ZNF267: variants seen among roughly 807,000 people sequenced by gnomAD.
ZNF267 encodes zinc finger (C2H2).
In ZNF267, 61 loss-of-function variants were observed where a neutral mutation model predicts 71.6. The observed-to-expected ratio is 0.85, with a 90% CI of 0.69 to 1.05. The LOEUF (loss-of-function observed/expected upper bound fraction) is 1.05. Among genes scored for constraint, ZNF267 ranks in the 50% least tolerant of loss-of-function variants. The probability of loss-of-function intolerance (pLI) is 0.00; values close to 1 mark genes in which losing one functional copy is unlikely to be tolerated. For missense variants in ZNF267, 852 were observed against 870.0 expected, an observed-to-expected ratio of 0.98 and a Z score of 0.26; for synonymous variants, 288 against 293.2, an observed-to-expected ratio of 0.98 and a Z score of 0.18.
At chr16:31,887,697 A>G (rs2083933503) in intron 3 of ZNF267, among the ~76,000 whole-genome samples, 2 of 152,074 alleles carry the variant, frequency 1.3e-5, no homozygotes, top group Non-Finnish European at 2.9e-5. Flanking sequence ...CTGTATGCAC[A>G]TGGGTTTCTT....
chr16:31,876,121 T>G (rs1249236587), intron 1 of ZNF267, among the ~76,000 whole-genome samples: 1 of 152,240 alleles, frequency 6.6e-6, no homozygotes, highest in Non-Finnish European at 1.5e-5. Context: ...AATTACATAG[T>G]TTCATCAAAA....
At position 31,915,464 on chromosome 16, in the gene ZNF267, G is replaced by A; in HGVS notation, c.1215G>A (p.Glu405=). 1 of 1,613,910 alleles carries A rather than the reference G, an allele frequency of 6.2e-7. No homozygotes were observed. ...LIVHQRIHTG[E]KPYKCKECGK... Reference sequence around the variant, plus strand: ...TGCATCAGAGAATTCACACTGGAGAGAAACCATACAAATGTAAAGAATGTG... The same window carrying A: ...TGCATCAGAGAATTCACACTGGAGAAAAACCATACAAATGTAAAGAATGTG... Residue 405 remains glutamate (E), a synonymous_variant, in exon 4 of 4, where the codon GAG becomes GAA. Coordinates refer to ENST00000300870, the MANE Select transcript of ZNF267 (RefSeq NM_003414.6).
intron 3 of ZNF267, among the ~76,000 whole-genome samples, chr16:31,894,355 T>TCTTC (rs1465305653): frequency 6.6e-6 from 1 of 152,240 alleles, no homozygotes; most frequent in Non-Finnish European, 1.5e-5. Context: ...TTTAGCAAGG[T>TCTTC]CTTCCTTATA....
intron 3 of ZNF267, among the ~76,000 whole-genome samples, chr16:31,889,408 T>A (rs1361075025): frequency 6.6e-6 from 1 of 152,196 alleles, no homozygotes; most frequent in Non-Finnish European, 1.5e-5. Flanking sequence ...TATCATTTTA[T>A]ACTTCTGTCT....
chr16:31,876,820 G>A (rs1204685404), intron 1 of ZNF267, among the ~76,000 whole-genome samples: 1 of 152,162 alleles, frequency 6.6e-6, no homozygotes, highest in East Asian at 1.9e-4. Flanking sequence ...AACTAACCTG[G>A]TCTTGAGCCT....
intron 3 of ZNF267, among the ~76,000 whole-genome samples, chr16:31,886,329 G>C (rs1296246487): frequency 6.6e-6 from 1 of 152,176 alleles, no homozygotes; most frequent in Admixed American, 6.5e-5. Flanking sequence ...GTACTGGTCT[G>C]TGGCCTGTGA....
rs1387999144 is a variant in ZNF267 at position 31,916,868 on chromosome 16, A to ATG, written c.*390_*391dup. 1 of 175,356 alleles carries ATG rather than the reference A, an allele frequency of 5.7e-6. No homozygotes were observed. Among genetic ancestry groups the ATG allele is most frequent in the African/African-American group, 2.4e-5 (1 of 41,728 alleles). The allele number at this position is 175,356 out of a possible 1,614,324, so 10.9% of individuals were successfully genotyped here. ...GAAGTCTAAATGTGTCAGAGAATTTATGTGAGAAAGGACTAAAGCACAGAC... is the reference window on the plus strand; with the variant it reads ...GAAGTCTAAATGTGTCAGAGAATTTATGTGTGAGAAAGGACTAAAGCACAGAC... On this transcript the variant is annotated 3_prime_UTR_variant, in exon 4 of 4. Coordinates refer to ENST00000300870, the MANE Select transcript of ZNF267 (RefSeq NM_003414.6).
chr16:31,909,832 T>C (rs1416898137), intron 3 of ZNF267, among the ~76,000 whole-genome samples: 1 of 152,250 alleles, frequency 6.6e-6, no homozygotes, highest in Non-Finnish European at 1.5e-5. Context: ...ATCCTTGTTA[T>C]GTTCCAGATC....
intron 3 of ZNF267, among the ~76,000 whole-genome samples, chr16:31,893,180 A>G (rs2083973264): frequency 6.6e-6 from 1 of 152,244 alleles, no homozygotes; most frequent in Non-Finnish European, 1.5e-5. Context: ...AAAGCTGCCA[A>G]GGCTTGGGGC....
chr16:31,882,944 A>G (rs1225707105), intron 1 of ZNF267, among the ~76,000 whole-genome samples: 5 of 152,156 alleles, frequency 3.3e-5, no homozygotes, highest in African/African-American at 7.2e-5. Flanking sequence ...AGAGACTCCC[A>G]TTTCTTTTTG....
chr16:31,900,650 T>C (rs1426850646), intron 3 of ZNF267, among the ~76,000 whole-genome samples: 1 of 151,916 alleles, frequency 6.6e-6, no homozygotes, highest in African/African-American at 2.4e-5. Flanking sequence ...TTCACTGCAT[T>C]AGCTAGGATG....
At chr16:31,909,794 A>G (rs2084122118) in intron 3 of ZNF267, among the ~76,000 whole-genome samples, 2 of 152,330 alleles carry the variant, frequency 1.3e-5, no homozygotes, top group South Asian at 2.1e-4. Flanking sequence ...TTCCAGTACT[A>G]TGTTGAATAA....
At chr16:31,883,352 A>T (rs953295930) in intron 1 of ZNF267, among the ~76,000 whole-genome samples, 18 of 152,158 alleles carry the variant, frequency 1.2e-4, no homozygotes, top group African/African-American at 4.1e-4. Context: ...AAATATTTTT[A>T]AATTTTATTT....
At chr16:31,878,126 G>A (rs924084824) in intron 1 of ZNF267, among the ~76,000 whole-genome samples, 3 of 152,148 alleles carry the variant, frequency 2.0e-5, no homozygotes, top group Admixed American at 6.5e-5. Flanking sequence ...CCCAGTTGAT[G>A]TTGGAGGATT....
intron 3 of ZNF267, among the ~76,000 whole-genome samples, chr16:31,905,471 G>A (rs1330745168): frequency 2.6e-5 from 4 of 152,166 alleles, no homozygotes; most frequent in Admixed American, 2.6e-4. Context: ...ATTTCTTGGA[G>A]GCTTTGTTCG....
At chr16:31,874,256 G>C in intron 1 of ZNF267, 1 of 417,120 alleles carries the variant, frequency 2.4e-6, no homozygotes, top group Non-Finnish European at 4.3e-6. Context: ...GTCTCCCCCA[G>C]ATTGTGCGGT....
Position 31,904,856 on chromosome 16 carries a change from A to T in ZNF267, c.227-9620A>T, listed in dbSNP as rs529093819. Among the ~76,000 whole-genome samples the T allele has an allele frequency of 3.7e-3, 564 of 152,322 alleles. 5 individuals carry two copies. Among genetic ancestry groups the T allele is most frequent in the Non-Finnish European group, 6.0e-3 (407 of 68,034 alleles). The stretch of plus-strand genomic sequence containing the variant: ...ATGTTAGCTGGTTATTTTGCTCATT[A>T]GTTGATGTAGTTTCTTTCTAGCCTT... On this transcript the variant is annotated intron_variant, in intron 3 of 3. Coordinates refer to ENST00000300870, the MANE Select transcript of ZNF267 (RefSeq NM_003414.6).
intron 3 of ZNF267, among the ~76,000 whole-genome samples, chr16:31,903,203 G>A (rs2084057131): frequency 6.6e-6 from 1 of 152,096 alleles, no homozygotes; most frequent in Non-Finnish European, 1.5e-5. Context: ...ATTTTATTGA[G>A]GATTTTTGCA....
Position 31,916,202 on chromosome 16 carries a change from G to C in ZNF267, c.1953G>C (p.Gln651His). Residue 651 changes from glutamine (Q) to histidine (H), a missense_variant, in exon 4 of 4, where the codon CAG becomes CAC. Gln to His is a conservative substitution (Grantham distance 24). Coordinates refer to ENST00000300870, the MANE Select transcript of ZNF267 (RefSeq NM_003414.6). ...FNYRSYLTTHQRSHTGERPYK... is the reference protein window; with the variant it reads ...FNYRSYLTTHHRSHTGERPYK... The stretch of plus-strand genomic sequence containing the variant: ...ATAGGTCATACCTCACTACACATCA[G>C]AGAAGTCATACTGGAGAGAGACCCT... 2.5e-6 allele frequency: 4 copies of C among 1,614,160 alleles called. No homozygotes were observed. In the Middle Eastern group the frequency reaches 4.9e-4, roughly 200 times the overall value.
Sources: allele counts gnomAD v4.1 joint callset (sites outside exome capture counted in the v4.1 genomes callset), GRCh38; gene constraint gnomAD v4.1.1; transcripts MANE v1.5; gene names NCBI Gene and HGNC (gene_info 2026-07-23, HGNC 2026-07-21).